The following GRAMD1B variants were observed in gnomAD, a reference collection of about 807,000 sequenced individuals.
GRAMD1B encodes GRAM domain containing 1B, also known as protein Aster-B.
GRAMD1B carries 37 observed loss-of-function variants against 99.7 expected under a neutral mutation model. That is an observed-to-expected ratio of 0.37 (90% CI 0.29 to 0.49). GRAMD1B has a LOEUF of 0.49. GRAMD1B is among the 20% of genes least tolerant of loss of function. The pLI is 0.98. For synonymous variants in GRAMD1B, 427 were observed against 387.6 expected, an observed-to-expected ratio of 1.10 and a Z score of -1.19; for missense variants, 888 against 1,009.2, an observed-to-expected ratio of 0.88 and a Z score of 1.63.
rs571223348 is a variant in GRAMD1B, at chr11:123,416,245, T to C, written c.-176+57446T>C. On this transcript the variant is annotated intron_variant, in intron 1 of 20. Coordinates refer to the GRAMD1B transcript ENST00000638157. ...GGTGTAGAAAGATCCCCTGCTTGAA[T>C]AGAAGGCCAAAATGCCATCTTTTAA... is the stretch of plus-strand genomic sequence containing the variant. 2.0e-5 allele frequency among the ~76,000 whole-genome samples: 3 copies of C among 152,252 alleles called. No homozygotes were observed. In the East Asian group the frequency reaches 5.8e-4, roughly 29 times the overall value.
chr11:123,509,382 A>T (rs139646477), intron 2 of GRAMD1B, among the ~76,000 whole-genome samples: 1 of 152,328 alleles, frequency 6.6e-6, no homozygotes, highest in East Asian at 1.9e-4. Flanking sequence ...GGAAAATGAT[A>T]GGAGGGAGGT....
chr11:123,559,234 A>G (rs1157093977), intron 2 of GRAMD1B, among the ~76,000 whole-genome samples: 1 of 152,248 alleles, frequency 6.6e-6, no homozygotes, highest in Non-Finnish European at 1.5e-5. Context: ...TTTCCCAGGC[A>G]TTGAGCTAAC....
intron 2 of GRAMD1B, among the ~76,000 whole-genome samples, chr11:123,503,486 T>G: frequency 6.6e-6 from 1 of 152,126 alleles, no homozygotes; most frequent in East Asian, 1.9e-4. Flanking sequence ...GACAAGATTA[T>G]TTTAGTTAAC....
chr11:123,492,156 G>A lies in GRAMD1B; in HGVS notation c.452+11263G>A, dbSNP rs1285627644. On this transcript the variant is annotated intron_variant, in intron 2 of 19. Transcript: ENST00000635736. This position sits in a 1 kb window ranked among gnomAD's most constrained non-coding sequence, Gnocchi z 4.2. Reference sequence around the variant, plus strand: ...TGTGCCTCACTGTGTGCCTCCCAACGAGGTGCCTTGGCCTCCGGGTCCTTC... The same window carrying A: ...TGTGCCTCACTGTGTGCCTCCCAACAAGGTGCCTTGGCCTCCGGGTCCTTC... 6.6e-6 allele frequency among the ~76,000 whole-genome samples: 1 copy of A among 152,174 alleles called. No homozygotes were observed. The highest frequency in any genetic ancestry group is 1.5e-5 in the Non-Finnish European group (1 of 68,034).
At chr11:123,599,508 T>TCTGGGTTCCGGGCTAA in intron 7 of GRAMD1B, 1 of 556,340 alleles carries the variant, frequency 1.8e-6, no homozygotes. Context: ...AGTCTCACTC[T>TCTGGGTTCCGGGCTAA]GTCACCCAGG....
intron 7 of GRAMD1B, chr11:123,598,276 G>A: frequency 7.4e-7 from 1 of 1,353,118 alleles, no homozygotes; most frequent in Non-Finnish European, 1.1e-6. Flanking sequence ...CAGCCAGTAG[G>A]GAATGGGTTT....
At chr11:123,609,767 T>G in intron 12 of GRAMD1B, 28 bp from the exon 13 acceptor site, 1 of 1,301,126 alleles carries the variant, frequency 7.7e-7, no homozygotes, top group Non-Finnish European at 1.1e-6. Flanking sequence ...CCTCCCTTCC[T>G]CATTCCAGGG....
chr11:123,607,124 A>C (rs539863695), intron 11 of GRAMD1B, among the ~76,000 whole-genome samples: 2 of 152,188 alleles, frequency 1.3e-5, no homozygotes, highest in Non-Finnish European at 2.9e-5. Flanking sequence ...GGTGCCAGTC[A>C]GCTGCTCCCT....
At chr11:123,608,925 T>C in intron 12 of GRAMD1B, 123 bp downstream of exon 12, 1 of 717,006 alleles carries the variant, frequency 1.4e-6, no homozygotes, top group South Asian at 1.9e-5. Context: ...CTCGGCCACC[T>C]CAGGGCCCAG....
chr11:123,405,881 A>G (rs956168727), intron 1 of GRAMD1B, among the ~76,000 whole-genome samples: 2 of 152,184 alleles, frequency 1.3e-5, no homozygotes, highest in Admixed American at 6.5e-5. Context: ...GTTGCTTTAC[A>G]TGGAGAAGGT....
intron 17 of GRAMD1B, among the ~76,000 whole-genome samples, chr11:123,615,514 G>A (rs75974320): frequency 0.03 from 4,596 of 152,236 alleles, 90 homozygotes; most frequent in East Asian, 0.066. Context: ...GTGAAACCCC[G>A]TCTCTACTAA....
chr11:123,588,182 C>G (rs541846075), intron 4 of GRAMD1B, among the ~76,000 whole-genome samples: 1 of 152,248 alleles, frequency 6.6e-6, no homozygotes, highest in Non-Finnish European at 1.5e-5. Context: ...TAGCTGAGAT[C>G]AATGCCCCAC....
At chr11:123,389,594 G>C (rs1351632483) in intron 1 of GRAMD1B, among the ~76,000 whole-genome samples, 1 of 152,168 alleles carries the variant, frequency 6.6e-6, no homozygotes, top group Non-Finnish European at 1.5e-5. Flanking sequence ...AGGAAAACTG[G>C]ATGAAGAATG....
upstream of GRAMD1B, among the ~76,000 whole-genome samples, chr11:123,429,528 G>A (rs1295622151): frequency 6.6e-6 from 1 of 151,676 alleles, no homozygotes; most frequent in Non-Finnish European, 1.5e-5. The surrounding 1 kb of genome is among the most constrained non-coding windows in gnomAD (Gnocchi z 4.0). Flanking sequence ...GCAATGTAAG[G>A]GGGGGTACCC....
chr11:123,595,739 G>C (rs2136594923), intron 6 of GRAMD1B, among the ~76,000 whole-genome samples: 1 of 152,282 alleles, frequency 6.6e-6, no homozygotes, highest in Non-Finnish European at 1.5e-5. Flanking sequence ...CATGGCTGTA[G>C]ACAAGGCTCA....
chr11:123,408,385 C>G (rs1947927962), intron 1 of GRAMD1B, among the ~76,000 whole-genome samples: 1 of 152,214 alleles, frequency 6.6e-6, no homozygotes, highest in South Asian at 2.1e-4. Flanking sequence ...ACCCCCCTCA[C>G]CCTGCATTGT....
intron 1 of GRAMD1B, chr11:123,459,439 G>A (rs1950310981): frequency 6.6e-6 from 1 of 151,988 alleles, no homozygotes; most frequent in African/African-American, 2.4e-5. Flanking sequence ...ATTTTTAATA[G>A]AGGTGGGGTT....
At chr11:123,422,686 G>A (rs1031146889) in intron 1 of GRAMD1B, among the ~76,000 whole-genome samples, 3 of 152,164 alleles carry the variant, frequency 2.0e-5, no homozygotes, top group Admixed American at 6.5e-5. Context: ...CCAAAAGGCC[G>A]AGAAGCGATC....
At chr11:123,424,972 T>C (rs1446200980) in intron 1 of GRAMD1B, among the ~76,000 whole-genome samples, 1 of 152,202 alleles carries the variant, frequency 6.6e-6, no homozygotes, top group Non-Finnish European at 1.5e-5. Flanking sequence ...CGAAGGGTAT[T>C]ATAAAGGAAA....
Sources: allele counts gnomAD v4.1 joint callset (sites outside exome capture counted in the v4.1 genomes callset), GRCh38; gene constraint gnomAD v4.1.1; non-coding constraint Gnocchi (gnomAD v3.1); transcripts MANE v1.5; gene names NCBI Gene and HGNC (gene_info 2026-07-23, HGNC 2026-07-21).